PARD3B: variants seen among roughly 807,000 people sequenced by gnomAD.
PARD3B encodes the protein par-3 family cell polarity regulator beta.
In PARD3B, 103 loss-of-function variants were observed where a neutral mutation model predicts 130.2. The ratio of observed to expected loss-of-function variants is 0.79; its 90% CI spans 0.67 to 0.93. The LOEUF is 0.93. PARD3B is among the 40% of genes least tolerant of loss of function. The pLI, the probability that PARD3B is intolerant of heterozygous loss-of-function variation, is 0.00. For missense variants in PARD3B, 1,609 were observed against 1,499.2 expected (o/e 1.07, Z -1.21); for synonymous variants, 583 against 553.2 (o/e 1.05, Z -0.76).
rs183043545 is a variant in PARD3B at position 205,449,422 on chromosome 2, G to A, written c.3044+8750G>A. ...TTTTTTGTATTTTTAGTAGAGGCAG[G>A]GTTTCATCGTGTTGGCCAGGCTGGT... On this transcript the variant is annotated intron_variant, in intron 20 of 22. Coordinates refer to ENST00000406610, the MANE Select transcript of PARD3B (RefSeq NM_001302769.2). Among the ~76,000 whole-genome samples, 908 of 151,912 alleles carry A rather than the reference G, an allele frequency of 6.0e-3. 3 individuals are homozygous for A. Among genetic ancestry groups the A allele is most frequent in the Non-Finnish European group, 9.6e-3 (653 of 67,966 alleles).
At chr2:204,974,670 T>A (rs528942983) in intron 3 of PARD3B, among the ~76,000 whole-genome samples, 24 of 152,210 alleles carry the variant, frequency 1.6e-4, no homozygotes, top group Non-Finnish European at 3.2e-4. Flanking sequence ...TCAGGGATAA[T>A]GTCCTTTGAC....
intron 2 of PARD3B, among the ~76,000 whole-genome samples, chr2:204,900,306 C>A (rs769919219): frequency 6.6e-6 from 1 of 151,926 alleles, no homozygotes; most frequent in Non-Finnish European, 1.5e-5. Context: ...GTTCTTTATT[C>A]ATTTTTCTTT....
intron 15 of PARD3B, among the ~76,000 whole-genome samples, chr2:205,233,718 C>A (rs1282542739): frequency 6.6e-6 from 1 of 152,040 alleles, no homozygotes; most frequent in East Asian, 1.9e-4. Context: ...GCCTAGCCTG[C>A]CTTACATGTG....
chr2:204,642,458 G>C (rs764960623), intron 1 of PARD3B, among the ~76,000 whole-genome samples: 5 of 152,174 alleles, frequency 3.3e-5, no homozygotes, highest in African/African-American at 9.7e-5. Context: ...TTGCAGGAAA[G>C]GTTGGTAATT....
intron 2 of PARD3B, among the ~76,000 whole-genome samples, chr2:204,870,540 G>A (rs984458246): frequency 6.6e-6 from 1 of 152,138 alleles, no homozygotes; most frequent in Admixed American, 6.6e-5. Flanking sequence ...TGAAATGCTC[G>A]GGGTAAGCGT....
intron 2 of PARD3B, among the ~76,000 whole-genome samples, chr2:204,808,937 C>T (rs1449576023): frequency 6.6e-6 from 1 of 151,910 alleles, no homozygotes; most frequent in African/African-American, 2.4e-5. Context: ...ACAACCTCAC[C>T]AGCACCTATT....
chr2:205,416,683 C>T (rs1201090423), intron 19 of PARD3B, among the ~76,000 whole-genome samples: 1 of 152,094 alleles, frequency 6.6e-6, no homozygotes, highest in Non-Finnish European at 1.5e-5. Flanking sequence ...ATCATATAAA[C>T]TATGCCCCTT....
At chr2:205,225,677 G>A (rs556808077) in intron 15 of PARD3B, among the ~76,000 whole-genome samples, 1 of 152,262 alleles carries the variant, frequency 6.6e-6, no homozygotes, top group South Asian at 2.1e-4. Flanking sequence ...AGAAGGCAAA[G>A]GGGAAGCAAG....
At chr2:205,399,312 T>A (rs931104122) in intron 18 of PARD3B, among the ~76,000 whole-genome samples, 1 of 151,914 alleles carries the variant, frequency 6.6e-6, no homozygotes, top group East Asian at 1.9e-4. Flanking sequence ...CCCCAAGTTT[T>A]TTTTGTTTTG....
At chr2:204,886,901 C>G (rs1196997225) in intron 2 of PARD3B, among the ~76,000 whole-genome samples, 2 of 152,202 alleles carry the variant, frequency 1.3e-5, no homozygotes, top group African/African-American at 2.4e-5. Flanking sequence ...AAGGCATTTT[C>G]TTAGATGGGC....
chr2:205,493,888 G>C (rs141121724), intron 20 of PARD3B, among the ~76,000 whole-genome samples: 2,530 of 152,018 alleles, frequency 0.017, 74 homozygotes, highest in African/African-American at 0.056. Context: ...CTCCCTAGTA[G>C]CTGGGATTAC....
At chr2:205,188,712 T>C (rs1398281677) in intron 14 of PARD3B, among the ~76,000 whole-genome samples, 2 of 150,486 alleles carry the variant, frequency 1.3e-5, no homozygotes, top group East Asian at 3.9e-4. Context: ...TGTGTGAAAC[T>C]TGGGATGGAG....
chr2:205,434,106 T>G (rs1452261639), intron 19 of PARD3B, among the ~76,000 whole-genome samples: 1 of 152,224 alleles, frequency 6.6e-6, no homozygotes, highest in Non-Finnish European at 1.5e-5. Context: ...TATGCCATTT[T>G]ATACTTCCAC....
chr2:205,440,338 T>C lies in PARD3B; in HGVS notation c.2742-32T>C. 2 of 1,593,940 alleles carry C rather than the reference T, an allele frequency of 1.3e-6. No homozygotes were observed. The highest frequency in any genetic ancestry group is 1.7e-6 in the Non-Finnish European group (2 of 1,163,708). On this transcript the variant is annotated intron_variant, in intron 19 of 22. Transcript: ENST00000406610. The surrounding 1 kb of genome is among the most constrained non-coding windows in gnomAD (Gnocchi z 4.2). Reference sequence around the variant, plus strand: ...ATTGTATTATTATATGAAACTCACATACATCTTTGCTACCTGTACTGTATT... The same window carrying C: ...ATTGTATTATTATATGAAACTCACACACATCTTTGCTACCTGTACTGTATT...
At chr2:205,168,384 A>T (rs1394360726) in intron 11 of PARD3B, among the ~76,000 whole-genome samples, 1 of 151,932 alleles carries the variant, frequency 6.6e-6, no homozygotes, top group Non-Finnish European at 1.5e-5. Context: ...ATTACCAAGC[A>T]ACATCCTTGA....
At chr2:204,578,422 A>G (rs749379509) in intron 1 of PARD3B, among the ~76,000 whole-genome samples, 5 of 152,080 alleles carry the variant, frequency 3.3e-5, no homozygotes, top group Non-Finnish European at 5.9e-5. Flanking sequence ...GTGTGTGTCT[A>G]TGGGCATCGG....
At chr2:205,600,058 C>T (rs2054723738) in intron 22 of PARD3B, among the ~76,000 whole-genome samples, 2 of 152,176 alleles carry the variant, frequency 1.3e-5, no homozygotes, top group African/African-American at 4.8e-5. Context: ...TGCTGACCTG[C>T]CCTTCTCTGA....
intron 2 of PARD3B, among the ~76,000 whole-genome samples, chr2:204,783,998 G>T (rs1472903864): frequency 6.6e-6 from 1 of 151,984 alleles, no homozygotes; most frequent in Non-Finnish European, 1.5e-5. Flanking sequence ...TAGAGACTGA[G>T]TTCCTGGGTT....
At chr2:205,559,947 C>T (rs1284771857) in intron 22 of PARD3B, among the ~76,000 whole-genome samples, 1 of 152,124 alleles carries the variant, frequency 6.6e-6, no homozygotes, top group Admixed American at 6.5e-5. Context: ...ATGTACAAGA[C>T]ACAGTTCTAA....
Sources: allele counts gnomAD v4.1 joint callset (sites outside exome capture counted in the v4.1 genomes callset), GRCh38; gene constraint gnomAD v4.1.1; non-coding constraint Gnocchi (gnomAD v3.1); transcripts MANE v1.5; gene names NCBI Gene and HGNC (gene_info 2026-07-23, HGNC 2026-07-21).